TTC39C: variants seen among roughly 807,000 people sequenced by gnomAD.
TTC39C encodes tetratricopeptide repeat protein 39C.
TTC39C carries 33 observed loss-of-function variants against 76.3 expected under a neutral mutation model. The observed-to-expected ratio is 0.43, with a 90% confidence interval of 0.33 to 0.58. TTC39C has a LOEUF of 0.58. Ranked by LOEUF, TTC39C falls within the 20% of genes least tolerant of loss-of-function variation. The pLI is 0.04. For synonymous variants in TTC39C, 254 were observed against 260.6 expected (o/e 0.97, Z 0.24); for missense variants, 595 against 701.4 (o/e 0.85, Z 1.71).
intron 6 of TTC39C, among the ~76,000 whole-genome samples, chr18:24,104,375 G>A (rs1568438978): frequency 6.6e-6 from 1 of 152,114 alleles, no homozygotes; most frequent in Non-Finnish European, 1.5e-5. Context: ...AATGCACAGG[G>A]CACAGGGCTG....
chr18:24,030,683 G>T (rs1455491656), intron 1 of TTC39C, among the ~76,000 whole-genome samples: 1 of 102,924 alleles, frequency 9.7e-6, no homozygotes, highest in Non-Finnish European at 1.8e-5. Context: ...ATGGAATCTC[G>T]CTCTGTCACC....
At chr18:24,114,820 G>T in intron 7 of TTC39C, 173 bp downstream of exon 7, 3 of 525,624 alleles carry the variant, frequency 5.7e-6, no homozygotes, top group South Asian at 4.9e-5. Context: ...TTCTCATTAC[G>T]TTTTTATAAC....
At chr18:24,020,030 T>G in intron 1 of TTC39C, 1 of 1,401,916 alleles carries the variant, frequency 7.1e-7, no homozygotes, top group Non-Finnish European at 9.2e-7. Flanking sequence ...TCTAGACAAG[T>G]CATCTGCTCA....
At chr18:24,102,432 T>TC (rs2084688722) in intron 6 of TTC39C, among the ~76,000 whole-genome samples, 2 of 152,308 alleles carry the variant, frequency 1.3e-5, no homozygotes, top group Non-Finnish European at 2.9e-5. Flanking sequence ...GGATGAAACT[T>TC]CCCTGCCCAC....
intron 4 of TTC39C, among the ~76,000 whole-genome samples, chr18:24,076,234 C>G (rs2084306110): frequency 6.6e-6 from 1 of 152,176 alleles, no homozygotes; most frequent in Non-Finnish European, 1.5e-5. Flanking sequence ...CCTGCCTCAG[C>G]CTCCAAAAGT....
intron 1 of TTC39C, among the ~76,000 whole-genome samples, chr18:24,035,743 T>A (rs2145682978): frequency 6.6e-6 from 1 of 152,326 alleles, no homozygotes; most frequent in Admixed American, 6.5e-5. Context: ...CTTTTCACTC[T>A]GTTGTTAGTG....
intron 1 of TTC39C, among the ~76,000 whole-genome samples, chr18:24,058,531 T>C (rs1362205070): frequency 1.3e-5 from 2 of 151,984 alleles, no homozygotes; most frequent in Non-Finnish European, 2.9e-5. Flanking sequence ...GGCATGAACC[T>C]GAGGTGCCAG....
intron 6 of TTC39C, among the ~76,000 whole-genome samples, chr18:24,110,479 TC>T (rs1179316978): frequency 6.6e-6 from 1 of 151,936 alleles, no homozygotes; most frequent in African/African-American, 2.4e-5. Context: ...CCATGGAAAA[TC>T]CAAGGAAATT....
chr18:24,072,631 C>T (rs2084255971), intron 4 of TTC39C, among the ~76,000 whole-genome samples: 1 of 152,222 alleles, frequency 6.6e-6, no homozygotes, highest in African/African-American at 2.4e-5. Flanking sequence ...TTGTGTTTAT[C>T]TCATTTAAAC....
chr18:24,062,636 T>C (rs1467421050), intron 1 of TTC39C, among the ~76,000 whole-genome samples: 1 of 152,138 alleles, frequency 6.6e-6, no homozygotes, highest in African/African-American at 2.4e-5. Flanking sequence ...TCATGTAGGT[T>C]TAAGTAACCT....
At chr18:24,033,386 G>C (rs1322539213) in intron 1 of TTC39C, among the ~76,000 whole-genome samples, 1 of 152,098 alleles carries the variant, frequency 6.6e-6, no homozygotes, top group Non-Finnish European at 1.5e-5. Flanking sequence ...TCTTGACTTT[G>C]CTTTGCTTCC....
At chr18:24,085,643 C>G (rs1430273901) in intron 6 of TTC39C, among the ~76,000 whole-genome samples, 2 of 152,128 alleles carry the variant, frequency 1.3e-5, no homozygotes, top group East Asian at 3.8e-4. Context: ...CATTATAGCT[C>G]TTAGTAGATA....
chr18:24,118,028 C>A (rs996043901), intron 7 of TTC39C, 97 bp from the exon 8 acceptor site: 4 of 880,390 alleles, frequency 4.5e-6, no homozygotes, highest in Non-Finnish European at 5.1e-6. Context: ...ATAGAACATG[C>A]ACAGAGAATG....
chr18:24,112,879 A>G (rs551222980), intron 6 of TTC39C, among the ~76,000 whole-genome samples: 2 of 152,364 alleles, frequency 1.3e-5, no homozygotes, highest in East Asian at 3.9e-4. Flanking sequence ...CAAAAGGGAA[A>G]AATTAGACAT....
intron 1 of TTC39C, among the ~76,000 whole-genome samples, chr18:23,996,646 C>T (rs1330097994): frequency 6.6e-6 from 1 of 152,216 alleles, no homozygotes; most frequent in Admixed American, 6.5e-5. Flanking sequence ...GGTGATTCCC[C>T]AGTCCCAAGC....
intron 6 of TTC39C, among the ~76,000 whole-genome samples, chr18:24,093,420 A>C (rs2084550991): frequency 6.6e-6 from 1 of 151,300 alleles, no homozygotes; most frequent in African/African-American, 2.4e-5. Flanking sequence ...CAGAGGTTGC[A>C]GTGAGCCTAG....
Position 24,135,301 on chromosome 18 carries a change from T to TC in TTC39C, c.*2727_*2728insC, listed in dbSNP as rs1161423816. 1 of 146,512 alleles carries TC rather than the reference T, an allele frequency of 6.8e-6. No homozygotes were observed. The highest frequency in any genetic ancestry group is 1.5e-5 in the Non-Finnish European group (1 of 66,238). The allele number at this position is 146,512 out of a possible 1,614,324, so 9.1% of individuals were successfully genotyped here. On this transcript the variant is annotated 3_prime_UTR_variant, in exon 14 of 14. Transcript: ENST00000317571. ...ATGAACCACTGTGACCGGCCAGGTCTTTTTTTTTTTAAAGAGTCTATCCTA... is the reference window on the plus strand; with the variant it reads ...ATGAACCACTGTGACCGGCCAGGTCTCTTTTTTTTTTAAAGAGTCTATCCTA...
intron 3 of TTC39C, among the ~76,000 whole-genome samples, chr18:24,066,983 A>G (rs1335482863): frequency 6.6e-6 from 1 of 152,222 alleles, no homozygotes; most frequent in Admixed American, 6.5e-5. Context: ...TGCTGGGGCT[A>G]GATTTGGAAC....
intron 1 of TTC39C, among the ~76,000 whole-genome samples, chr18:24,039,376 A>G (rs904066825): frequency 6.6e-6 from 1 of 152,184 alleles, no homozygotes; most frequent in African/African-American, 2.4e-5. Flanking sequence ...CACAAAGAGA[A>G]GTGTATTCAA....
Sources: allele counts gnomAD v4.1 joint callset (sites outside exome capture counted in the v4.1 genomes callset), GRCh38; gene constraint gnomAD v4.1.1; transcripts MANE v1.5; gene names NCBI Gene and HGNC (gene_info 2026-07-23, HGNC 2026-07-21).